Variants in PFKP observed in about 807,000 individuals in gnomAD.
PFKP encodes the protein phosphofructokinase, platelet.
Under a neutral mutation model 94.3 loss-of-function variants are expected in PFKP, and 101 were observed. That is an observed-to-expected ratio of 1.07 (90% confidence interval 0.91 to 1.26). The LOEUF is 1.26. PFKP is among the 50% of genes most tolerant of loss of function. The pLI is 0.00. For synonymous variants in PFKP, 573 were observed against 432.6 expected, an observed-to-expected ratio of 1.32 and a Z score of -4.03; for missense variants, 1,145 against 1,103.3, an observed-to-expected ratio of 1.04 and a Z score of -0.53.
At chr10:3,105,569 G>T in intron 7 of PFKP, 68 bp downstream of exon 7, 1 of 1,123,682 alleles carries the variant, frequency 8.9e-7, no homozygotes, top group Non-Finnish European at 1.4e-6. Flanking sequence ...AGGATCCCAA[G>T]TGGGACGGCA....
intron 3 of PFKP, among the ~76,000 whole-genome samples, chr10:3,100,536 C>T (rs188163087): frequency 4.1e-4 from 63 of 152,276 alleles, no homozygotes; most frequent in Admixed American, 3.4e-3. Flanking sequence ...CACGCACTCA[C>T]GTCACTGCAG....
chr10:3,080,939 G>A (rs1337185684), intron 1 of PFKP, among the ~76,000 whole-genome samples: 1 of 152,096 alleles, frequency 6.6e-6, no homozygotes, highest in African/African-American at 2.4e-5. Context: ...AGGTTACAGC[G>A]GGAGGAGGAA....
chr10:3,098,194 A>G (rs1230325302), intron 2 of PFKP, among the ~76,000 whole-genome samples: 1 of 152,142 alleles, frequency 6.6e-6, no homozygotes, highest in African/African-American at 2.4e-5. Context: ...CCGGACCTTC[A>G]CTAAGGTGGG....
chr10:3,134,459 TC>T, intron 19 of PFKP, 23 bp from the exon 20 acceptor site: 1 of 1,356,560 alleles, frequency 7.4e-7, no homozygotes, highest in South Asian at 1.2e-5. Flanking sequence ...AACTGGTATT[TC>T]ATATAACTCT....
intron 2 of PFKP, among the ~76,000 whole-genome samples, chr10:3,097,197 G>C (rs533983029): frequency 2.1e-4 from 31 of 151,092 alleles, no homozygotes; most frequent in African/African-American, 7.6e-4. Flanking sequence ...CCTACCTATT[G>C]TACTTACAAT....
At chr10:3,086,361 A>C (rs1833598563) in intron 2 of PFKP, among the ~76,000 whole-genome samples, 1 of 152,222 alleles carries the variant, frequency 6.6e-6, no homozygotes, top group South Asian at 2.1e-4. Flanking sequence ...GACTTACCTT[A>C]GTTCACTTTC....
chr10:3,120,126 T>A, intron 16 of PFKP, 82 bp downstream of exon 16: 1 of 1,014,008 alleles, frequency 9.9e-7, no homozygotes, highest in Non-Finnish European at 1.5e-6. Flanking sequence ...ACCAGTGCGC[T>A]AGAAATAGCC....
At chr10:3,067,756 G>T in intron 1 of PFKP, 49 bp downstream of exon 1, 1 of 1,018,968 alleles carries the variant, frequency 9.8e-7, no homozygotes, top group South Asian at 1.6e-5. Context: ...GGACGGAGCT[G>T]GGGAGAACCG....
chr10:3,093,833 T>C (rs111782408), intron 2 of PFKP, among the ~76,000 whole-genome samples: 4,213 of 152,020 alleles, frequency 0.028, 100 homozygotes, highest in African/African-American at 0.061. Context: ...TTAGTAGAGG[T>C]GGGGTTTCAC....
chr10:3,102,440 GTCTT>G (rs1835113448), intron 4 of PFKP, among the ~76,000 whole-genome samples: 1 of 131,538 alleles, frequency 7.6e-6, no homozygotes, highest in Non-Finnish European at 1.7e-5. Context: ...TTGAGACAGA[GTCTT>G]TCTCCATTGC....
chr10:3,121,793 C>CTTTTTCTTTCT (rs1564339013), intron 16 of PFKP, among the ~76,000 whole-genome samples: 1 of 96,878 alleles, frequency 1.0e-5, no homozygotes, highest in Non-Finnish European at 2.0e-5. Flanking sequence ...TAAACAATTT[C>CTTTTTCTTTCT]TTTTTTTTTC....
chr10:3,136,243 G>A lies in PFKP; in HGVS notation c.2226-207G>A, dbSNP rs190684258. ...TTGCACCACTGTACTCAAGCCTGGC[G>A]ACAGAGCGAGACTCCACCACTGGGT... On this transcript the variant is annotated intron_variant, in intron 21 of 21. Coordinates refer to ENST00000381125, the MANE Select transcript of PFKP (RefSeq NM_002627.5). Among the ~76,000 whole-genome samples, 65 of 152,262 alleles carry A rather than the reference G, an allele frequency of 4.3e-4. No individual in the cohort carries two copies. The Middle Eastern group carries it at 0.014, about 32-fold the overall frequency.
At chr10:3,122,199 C>A (rs1015673057) in intron 16 of PFKP, among the ~76,000 whole-genome samples, 1 of 149,898 alleles carries the variant, frequency 6.7e-6, no homozygotes, top group Non-Finnish European at 1.5e-5. Flanking sequence ...CCAGGCACAG[C>A]CACCTTGGTA....
rs200563189 is a variant in PFKP, at chr10:3,136,593, G to A, written c.*14G>A. 3.3e-5 allele frequency: 53 copies of A among 1,612,280 alleles called. No individual in the cohort carries two copies. Among genetic ancestry groups the A allele is most frequent in the Admixed American group, 6.7e-5 (4 of 59,892 alleles). On this transcript the variant is annotated 3_prime_UTR_variant, in exon 22 of 22. Transcript: ENST00000381125. ...TGGAGTGTCTGACCCAGTCCCGCCT[G>A]CATGTGCCTGCAGCCACCGTGGACT... is the stretch of plus-strand genomic sequence containing the variant.
chr10:3,069,967 T>C (rs1028733661), intron 1 of PFKP, among the ~76,000 whole-genome samples: 4 of 152,218 alleles, frequency 2.6e-5, no homozygotes, highest in African/African-American at 9.7e-5. Flanking sequence ...AATGATACTT[T>C]GGAAACCAAT....
Position 3,112,125 on chromosome 10 carries a change from G to C in PFKP, c.1090-97G>C, listed in dbSNP as rs564060510. The C allele has an allele frequency of 5.2e-6, 5 of 960,158 alleles. No homozygotes were observed. In the East Asian group the frequency reaches 1.2e-4, roughly 23 times the overall value. The allele number at this position is 960,158 out of a possible 1,614,324, so 59.5% of individuals were successfully genotyped here. ...CTGGCTGCCCGGGTCAGACTGGAGGGGGCTGGTGGGAAGGACCGAGCCAGT... is the reference window on the plus strand; with the variant it reads ...CTGGCTGCCCGGGTCAGACTGGAGGCGGCTGGTGGGAAGGACCGAGCCAGT... On this transcript the variant is annotated intron_variant, in intron 10 of 21. Transcript: ENST00000381125.
At chr10:3,096,227 G>T (rs1331540064) in intron 2 of PFKP, among the ~76,000 whole-genome samples, 1 of 152,122 alleles carries the variant, frequency 6.6e-6, no homozygotes, top group South Asian at 2.1e-4. Context: ...CCGGGATAGC[G>T]CGTGCTCCAG....
At chr10:3,131,030 GATT>G (rs1471529500) in intron 17 of PFKP, among the ~76,000 whole-genome samples, 4 of 151,470 alleles carry the variant, frequency 2.6e-5, no homozygotes, top group Admixed American at 6.6e-5. Flanking sequence ...GGTCCCATAA[GATT>G]ATAATGGAGC....
At chr10:3,136,164 TGAGGCAGGAGAAATCGCTTGAACCCGG>T (rs997708180) in intron 21 of PFKP, among the ~76,000 whole-genome samples, 4 of 152,266 alleles carry the variant, frequency 2.6e-5, no homozygotes, top group Middle Eastern at 3.4e-3. Flanking sequence ...CTCAGGAGGC[TGAGGCAGGAGAAATCGCTTGAACCCGG>T]GAGGCAGAGG....
Sources: gnomAD v4.1 joint callset for allele counts (sites outside exome capture counted in the v4.1 genomes callset) on GRCh38, gnomAD v4.1.1 for gene constraint, MANE v1.5 for transcripts, NCBI Gene and HGNC (gene_info 2026-07-23, HGNC 2026-07-21) for gene names.